Variants in VWA5B1 observed in about 807,000 individuals in gnomAD.
VWA5B1 encodes the protein von Willebrand factor A domain containing 5B1.
VWA5B1 carries 115 observed loss-of-function variants against 118.2 expected under a neutral mutation model. That is an observed-to-expected ratio of 0.97 (90% confidence interval 0.84 to 1.14). The LOEUF is 1.14. Ranked by LOEUF, VWA5B1 falls within the 50% of genes most tolerant of loss-of-function variation. The pLI, the probability that VWA5B1 is intolerant of heterozygous loss-of-function variation, is 0.00. For synonymous variants in VWA5B1, 682 were observed against 658.4 expected (o/e 1.04, Z -0.55); for missense variants, 1,596 against 1,603.8 (o/e 1.00, Z 0.08).
chr1:20,320,737 A>G (rs912506003), intron 7 of VWA5B1, among the ~76,000 whole-genome samples: 1 of 152,230 alleles, frequency 6.6e-6, no homozygotes. Context: ...TGAGTTTATT[A>G]ATAATTGGAT....
chr1:20,349,371 TTTTA>T (rs10667083), intron 18 of VWA5B1: 23 of 149,120 alleles, frequency 1.5e-4, no homozygotes, highest in South Asian at 4.3e-4. Context: ...AAATCCTTTA[TTTTA>T]TTTATTTATT....
chr1:20,353,778 G>A lies in VWA5B1; in HGVS notation c.3163G>A (p.Gly1055Arg), dbSNP rs372798836. Reference protein sequence around the residue: ...IPLVSLQLASGAFLLNEAFCE... With the variant: ...IPLVSLQLASRAFLLNEAFCE... ...ACAGGTGTCTCTGCAGCTGGCCTCCGGAGCCTTCCTGCTCAACGAAGCCTT... is the reference window on the plus strand; with the variant it reads ...ACAGGTGTCTCTGCAGCTGGCCTCCAGAGCCTTCCTGCTCAACGAAGCCTT... The change falls in exon 22 of 22, where the codon GGA (glycine) becomes AGA (arginine). Residue 1055 changes from glycine (G) to arginine (R), a missense_variant. Coordinates refer to ENST00000289815, the MANE Select transcript of VWA5B1 (RefSeq NM_001039500.3). 120 of 1,462,332 alleles carry A rather than the reference G, an allele frequency of 8.2e-5. No individual in the cohort carries two copies. The highest frequency in any genetic ancestry group is 7.4e-4 in the African/African-American group (52 of 70,072). The allele number at this position is 1,462,332 out of a possible 1,614,324, so 90.6% of individuals were successfully genotyped here.
chr1:20,302,292 A>G (rs1046781420), intron 1 of VWA5B1, among the ~76,000 whole-genome samples: 1 of 151,760 alleles, frequency 6.6e-6, no homozygotes, highest in Admixed American at 6.6e-5. Context: ...ATAGAATCTC[A>G]TGGGCTGTGG....
intron 17 of VWA5B1, 33 bp from the exon 18 acceptor site, chr1:20,348,212 C>A: frequency 6.5e-7 from 1 of 1,543,036 alleles, no homozygotes; most frequent in South Asian, 1.2e-5. Flanking sequence ...ACATTTGTAC[C>A]CAACCACCCG....
chr1:20,305,348 G>T (rs1157352596), intron 1 of VWA5B1, among the ~76,000 whole-genome samples: 1 of 152,100 alleles, frequency 6.6e-6, no homozygotes, highest in African/African-American at 2.4e-5. Flanking sequence ...CCAGGTTGTT[G>T]ATGCACTGTT....
At chr1:20,291,934 C>A (rs1389499185) in intron 1 of VWA5B1, among the ~76,000 whole-genome samples, 2 of 152,210 alleles carry the variant, frequency 1.3e-5, no homozygotes, top group Non-Finnish European at 2.9e-5. Context: ...CATGCTCCCG[C>A]CGCCGGCACC....
rs1374654608 is a variant in VWA5B1, at chr1:20,356,081, G to A, written c.*1818G>A. Among the ~76,000 whole-genome samples, 2 of 152,214 alleles carry A rather than the reference G, an allele frequency of 1.3e-5. No homozygotes were observed. The highest frequency in any genetic ancestry group is 2.9e-5 in the Non-Finnish European group (2 of 68,034). ...CAGGCTTCCAGGAGATGTGAGCGGA[G>A]CTTTGTCATCTCCCTGCACACTCCC... On this transcript the variant is annotated 3_prime_UTR_variant, in exon 22 of 22. Coordinates refer to ENST00000289815, the MANE Select transcript of VWA5B1 (RefSeq NM_001039500.3).
At chr1:20,322,352 G>T (rs2089245357) in intron 7 of VWA5B1, among the ~76,000 whole-genome samples, 1 of 152,178 alleles carries the variant, frequency 6.6e-6, no homozygotes, top group African/African-American at 2.4e-5. Flanking sequence ...GAGAAAGTCG[G>T]GGTGGAAAGT....
At chr1:20,301,647 C>T (rs527829917) in intron 1 of VWA5B1, among the ~76,000 whole-genome samples, 24 of 152,324 alleles carry the variant, frequency 1.6e-4, no homozygotes, top group Non-Finnish European at 2.8e-4. Flanking sequence ...CGCCACCAGC[C>T]GGTGAGCCCC....
At chr1:20,301,473 G>A (rs1038916455) in intron 1 of VWA5B1, among the ~76,000 whole-genome samples, 1 of 152,224 alleles carries the variant, frequency 6.6e-6, no homozygotes, top group Non-Finnish European at 1.5e-5. Flanking sequence ...AGGAAAGGCA[G>A]GTTCCAGGGG....
chr1:20,350,952 C>T (rs1336845967), intron 20 of VWA5B1, 26 bp downstream of exon 20: 3 of 1,548,182 alleles, frequency 1.9e-6, no homozygotes, highest in Admixed American at 2.0e-5. Flanking sequence ...AATAAAGGTA[C>T]ACTCTCCTGC....
At chr1:20,300,761 G>A (rs1160040370) in intron 1 of VWA5B1, among the ~76,000 whole-genome samples, 1 of 152,210 alleles carries the variant, frequency 6.6e-6, no homozygotes, top group Admixed American at 6.5e-5. Flanking sequence ...AACTGTTTTA[G>A]GCACCGTTCC....
In VWA5B1 at chr1:20,295,496, C is replaced by T. The variant is rs116564377; in HGVS notation, c.-27+4408C>T. Among the ~76,000 whole-genome samples the T allele has an allele frequency of 5.3e-3, 803 of 152,292 alleles. 6 individuals carry two copies. The highest frequency in any genetic ancestry group is 0.018 in the African/African-American group (764 of 41,574). On this transcript the variant is annotated intron_variant, in intron 1 of 21. Transcript: ENST00000289815. ...TGGGGTCTGGAAGGATCCTAGTCCC[C>T]AGTCTGAAAACCCTTTGCTAGATCG...
In VWA5B1 at chr1:20,336,455, G is replaced by A. The variant is rs2089720436; in HGVS notation, c.1911G>A (p.Arg637=). The change falls in exon 13 of 22, where the codon CGG becomes CGA. Residue 637 remains arginine (R), a synonymous_variant. Coordinates refer to ENST00000289815, the MANE Select transcript of VWA5B1 (RefSeq NM_001039500.3). ...PFILGQAKNA[R]LASGDSTTKH... Reference sequence around the variant, plus strand: ...TCCTAGGGCAGGCCAAAAATGCCCGGCTAGCCAGCGGAGACTCTACCACCA... The same window carrying A: ...TCCTAGGGCAGGCCAAAAATGCCCGACTAGCCAGCGGAGACTCTACCACCA... The A allele has an allele frequency of 2.7e-6, 4 of 1,477,786 alleles. No individual in the cohort carries two copies. Among genetic ancestry groups the A allele is most frequent in the African/African-American group, 1.4e-5 (1 of 71,144 alleles). The allele number at this position is 1,477,786 out of a possible 1,614,324, so 91.5% of individuals were successfully genotyped here. A position where few individuals can be genotyped will look rare whatever the true frequency, so the allele number is the denominator to read the frequency against.
chr1:20,341,126 CTTCT>C (rs2089864634), intron 14 of VWA5B1, among the ~76,000 whole-genome samples: 1 of 152,030 alleles, frequency 6.6e-6, no homozygotes, highest in Non-Finnish European at 1.5e-5. Flanking sequence ...AAGAAAGATA[CTTCT>C]TTATTTTCAA....
rs1369112755 is a variant in VWA5B1, at chr1:20,323,437, T to G, written c.1048T>G (p.Ser350Ala). The stretch of plus-strand genomic sequence containing the variant: ...GCTCAACTTCTGTCCCGACCTCCAG[T>G]CAGTCCAGCCGTGCCTGAGAAAGGC... ...IMLNFCPDLQ[S>A]VQPCLRKAHG... Residue 350 changes from serine (S) to alanine (A), a missense_variant, in exon 8 of 22, where the codon TCA (serine) becomes GCA (alanine). Coordinates refer to ENST00000289815, the MANE Select transcript of VWA5B1 (RefSeq NM_001039500.3). 6.5e-7 allele frequency: 1 copy of G among 1,538,650 alleles called. No individual in the cohort carries two copies. Among genetic ancestry groups the G allele is most frequent in the South Asian group, 1.2e-5 (1 of 81,600 alleles).
In VWA5B1 at chr1:20,318,637, G is replaced by T. The variant is rs1354777172; in HGVS notation, c.757G>T (p.Ala253Ser). Residue 253 changes from alanine (A) to serine (S), a missense_variant, in exon 6 of 22, where the codon GCC becomes TCC. Physicochemically the swap from Ala to Ser is moderately conservative, Grantham distance 99. Transcript: ENST00000289815. ...HEIRADAAPSARSAKSIIITL... is the reference protein window; with the variant it reads ...HEIRADAAPSSRSAKSIIITL... Reference sequence around the variant, plus strand: ...GATTCGTGCCGACGCCGCCCCATCTGCCCGCTCGGCCAAGAGCATCATCAT... The same window carrying T: ...GATTCGTGCCGACGCCGCCCCATCTTCCCGCTCGGCCAAGAGCATCATCAT... 6.4e-7 allele frequency: 1 copy of T among 1,550,644 alleles called. No individual in the cohort carries two copies. Among genetic ancestry groups the T allele is most frequent in the East Asian group, 2.4e-5 (1 of 40,902 alleles).
chr1:20,308,867 G>T (rs978349880), intron 1 of VWA5B1, among the ~76,000 whole-genome samples: 2 of 152,184 alleles, frequency 1.3e-5, no homozygotes, highest in African/African-American at 4.8e-5. Flanking sequence ...AGAAAGAGCA[G>T]GGTAGTCAGC....
rs200557717 is a variant in VWA5B1, at chr1:20,342,613, A to G, written c.2311+4A>G. On this transcript the variant is annotated splice_donor_region_variant and intron_variant, in intron 15 of 21. Transcript: ENST00000289815. ...AGCCGAAGCCCTGGAGATCTGGGTAAGTGACCACAGGGTCCAGGACCCAAC... is the reference window on the plus strand; with the variant it reads ...AGCCGAAGCCCTGGAGATCTGGGTAGGTGACCACAGGGTCCAGGACCCAAC... 907 of 1,476,322 alleles carry G rather than the reference A, an allele frequency of 6.1e-4. 4 individuals carry two copies. Among genetic ancestry groups the G allele is most frequent in the Admixed American group, 1.7e-3 (65 of 37,988 alleles). 91.5% of individuals were successfully genotyped at this position (1,476,322 alleles called of 1,614,324 possible). A position where few individuals can be genotyped will look rare whatever the true frequency, so the allele number is the denominator to read the frequency against.
Sources: gnomAD v4.1 joint callset for allele counts (sites outside exome capture counted in the v4.1 genomes callset) on GRCh38, gnomAD v4.1.1 for gene constraint, MANE v1.5 for transcripts, NCBI Gene and HGNC (gene_info 2026-07-23, HGNC 2026-07-21) for gene names.